Variants in CCDC191 observed in about 807,000 individuals in gnomAD.
The protein encoded by CCDC191 is coiled-coil domain-containing protein 191.
A neutral mutation model predicts 114.0 loss-of-function variants in CCDC191; 99 were observed. The ratio of observed to expected loss-of-function variants is 0.87; its 90% CI spans 0.74 to 1.03. The LOEUF (loss-of-function observed/expected upper bound fraction) is 1.03, where lower values mean the gene tolerates loss of function less well. Among genes scored for constraint, CCDC191 ranks in the 50% least tolerant of loss-of-function variants. The probability of loss-of-function intolerance (pLI) is 0.00; values close to 1 mark genes in which losing one functional copy is unlikely to be tolerated. For synonymous variants in CCDC191, 351 were observed against 376.0 expected (o/e 0.93, Z 0.77); for missense variants, 973 against 1,087.0 (o/e 0.90, Z 1.47).
intron 8 of CCDC191, among the ~76,000 whole-genome samples, chr3:114,012,029 C>T (rs1162314688): frequency 2.0e-5 from 3 of 152,158 alleles, no homozygotes; most frequent in Non-Finnish European, 4.4e-5. Context: ...TCTCCATATC[C>T]ATTTCTGTTA....
chr3:113,991,862 T>C (rs1168843750), intron 13 of CCDC191, among the ~76,000 whole-genome samples: 1 of 152,162 alleles, frequency 6.6e-6, no homozygotes, highest in Non-Finnish European at 1.5e-5. Flanking sequence ...TGTTCCCATA[T>C]TAGCAATGAA....
At chr3:114,010,393 GA>G (rs2076048432) in intron 9 of CCDC191, among the ~76,000 whole-genome samples, 2 of 152,050 alleles carry the variant, frequency 1.3e-5, no homozygotes, top group South Asian at 4.1e-4. Context: ...TTTCTTATTA[GA>G]AAAAGAAAAA....
At chr3:114,014,330 C>T (rs72956681) in intron 8 of CCDC191, among the ~76,000 whole-genome samples, 1 of 152,284 alleles carries the variant, frequency 6.6e-6, no homozygotes, top group African/African-American at 2.4e-5. Flanking sequence ...TGTCCTCTGC[C>T]TGTGTGACAG....
intron 8 of CCDC191, among the ~76,000 whole-genome samples, chr3:114,013,589 C>T (rs943645530): frequency 1.3e-5 from 2 of 152,168 alleles, no homozygotes; most frequent in Non-Finnish European, 1.5e-5. Context: ...GGGCAGAGTT[C>T]CCTTATGAAA....
At chr3:114,020,233 T>C (rs2076224215) in intron 7 of CCDC191, among the ~76,000 whole-genome samples, 1 of 152,162 alleles carries the variant, frequency 6.6e-6, no homozygotes. Context: ...TTGTTTGATA[T>C]GACCTCTACT....
intron 13 of CCDC191, among the ~76,000 whole-genome samples, chr3:114,000,094 A>T (rs563436348): frequency 6.6e-6 from 1 of 151,434 alleles, no homozygotes; most frequent in East Asian, 1.9e-4. Context: ...TTTATGTGTC[A>T]ACTTGACTAT....
rs79346162 is a variant in CCDC191, at chr3:114,033,892, G to C, written c.818+1033C>G. Among the ~76,000 whole-genome samples the C allele has an allele frequency of 1.8e-3, 270 of 152,282 alleles. 4 individuals are homozygous for C. The highest frequency in any genetic ancestry group is 5.6e-3 in the African/African-American group (233 of 41,556). ...AGAATAAGAGCAATCAAGAGCACAG[G>C]GGGGAAAGCTGTGTAGGCTGATGGG... On this transcript the variant is annotated intron_variant, in intron 6 of 16. Coordinates refer to ENST00000295878, the MANE Select transcript of CCDC191 (RefSeq NM_020817.2).
intron 7 of CCDC191, among the ~76,000 whole-genome samples, chr3:114,019,263 C>A (rs1020407571): frequency 3.3e-5 from 5 of 152,134 alleles, no homozygotes; most frequent in African/African-American, 1.2e-4. Flanking sequence ...AATTCACTAC[C>A]GTTTCTGACA....
At chr3:114,050,889 C>T (rs1318856846) in intron 2 of CCDC191, among the ~76,000 whole-genome samples, 1 of 152,142 alleles carries the variant, frequency 6.6e-6, no homozygotes, top group Non-Finnish European at 1.5e-5. Context: ...GTCAGTCCAT[C>T]TCATCAAGAT....
intron 7 of CCDC191, among the ~76,000 whole-genome samples, chr3:114,024,741 C>T (rs1389415601): frequency 6.6e-6 from 1 of 152,050 alleles, no homozygotes; most frequent in African/African-American, 2.4e-5. Flanking sequence ...AGGAGATATA[C>T]CTAATGTTAA....
chr3:114,042,502 T>C (rs1321435258), intron 4 of CCDC191, among the ~76,000 whole-genome samples: 4 of 152,332 alleles, frequency 2.6e-5, no homozygotes, highest in South Asian at 2.1e-4. Context: ...TAGAATATTT[T>C]AATTTTTAAA....
At chr3:113,993,578 A>G (rs923683031) in intron 13 of CCDC191, among the ~76,000 whole-genome samples, 3 of 151,944 alleles carry the variant, frequency 2.0e-5, no homozygotes, top group African/African-American at 7.2e-5. Context: ...CACAACTTAC[A>G]TTAAAATTAA....
At chr3:114,026,637 G>T (rs2076324875) in intron 7 of CCDC191, among the ~76,000 whole-genome samples, 2 of 152,176 alleles carry the variant, frequency 1.3e-5, no homozygotes, top group African/African-American at 4.8e-5. Flanking sequence ...AGGAATCATG[G>T]TATATAAATG....
At chr3:113,976,178 G>A (rs1577324058) in intron 16 of CCDC191, among the ~76,000 whole-genome samples, 1 of 152,024 alleles carries the variant, frequency 6.6e-6, no homozygotes, top group Non-Finnish European at 1.5e-5. Flanking sequence ...AGAATCGCTT[G>A]AACCCAGGAG....
intron 3 of CCDC191, among the ~76,000 whole-genome samples, chr3:114,043,247 T>C (rs2076587005): frequency 6.6e-6 from 1 of 151,888 alleles, no homozygotes; most frequent in Non-Finnish European, 1.5e-5. Flanking sequence ...TGTGCAGGAG[T>C]ATCTACAGTG....
rs757485609 is a variant in CCDC191 at position 114,056,518 on chromosome 3, G to A, written c.-52C>T. ...CCAAAGCTGCAGCAACCGCCCTTCTGCCCGGGCTGCCTCCGGGTCACGCTG... is the reference window on the plus strand; with the variant it reads ...CCAAAGCTGCAGCAACCGCCCTTCTACCCGGGCTGCCTCCGGGTCACGCTG... On this transcript the variant is annotated 5_prime_UTR_variant, in exon 1 of 17. Coordinates refer to ENST00000295878, the MANE Select transcript of CCDC191 (RefSeq NM_020817.2). 2.5e-6 allele frequency: 4 copies of A among 1,612,938 alleles called. No individual in the cohort carries two copies. In the South Asian group the frequency reaches 4.4e-5, roughly 18 times the overall value.
intron 7 of CCDC191, among the ~76,000 whole-genome samples, chr3:114,027,421 C>T (rs888632192): frequency 2.6e-5 from 4 of 151,040 alleles, no homozygotes; most frequent in African/African-American, 9.8e-5. Context: ...TGAGAACAGC[C>T]TGGCCAACAT....
rs76380632 is a variant in CCDC191, at chr3:114,012,974, G to C, written c.1164-1953C>G. On this transcript the variant is annotated intron_variant, in intron 8 of 16. Transcript: ENST00000295878. ...GGGATATGAAAATGTAGTTGGCCAG[G>C]CGCAGTGGCTGATGCCTGTAATCAC... Among the ~76,000 whole-genome samples, 1,146 of 152,340 alleles carry C rather than the reference G, an allele frequency of 7.5e-3. 8 individuals are homozygous for C. Among genetic ancestry groups the C allele is most frequent in the African/African-American group, 0.026 (1,082 of 41,578 alleles).
chr3:114,013,109 G>C (rs1186735454), intron 8 of CCDC191, among the ~76,000 whole-genome samples: 1 of 152,016 alleles, frequency 6.6e-6, no homozygotes, highest in Non-Finnish European at 1.5e-5. Flanking sequence ...AGCTGGGCGT[G>C]GTGGTGAGTG....
Sources: allele counts gnomAD v4.1 joint callset (sites outside exome capture counted in the v4.1 genomes callset), GRCh38; gene constraint gnomAD v4.1.1; transcripts MANE v1.5; gene names NCBI Gene and HGNC (gene_info 2026-07-23, HGNC 2026-07-21).